F12: variants seen among roughly 807,000 people sequenced by gnomAD.
The protein encoded by F12 is Hageman factor.
F12 carries 70 observed loss-of-function variants against 74.8 expected under a neutral mutation model. That is an observed-to-expected ratio of 0.94 (90% confidence interval 0.77 to 1.14). The LOEUF (loss-of-function observed/expected upper bound fraction) is 1.14. Among genes scored for constraint, F12 ranks in the 50% most tolerant of loss-of-function variants. The pLI, the probability that F12 is intolerant of heterozygous loss-of-function variation, is 0.00. For synonymous variants in F12, 373 were observed against 356.4 expected, an observed-to-expected ratio of 1.05 and a Z score of -0.52; for missense variants, 811 against 835.7, an observed-to-expected ratio of 0.97 and a Z score of 0.36.
rs371997528 is a variant in F12, at chr5:177,403,593, C to T, written c.1275G>A (p.Val425=). 6.2e-7 allele frequency: 1 copy of T among 1,605,800 alleles called. No individual in the cohort carries two copies. Among genetic ancestry groups the T allele is most frequent in the East Asian group, 2.2e-5 (1 of 44,736 alleles). The change falls in exon 11 of 14, where the codon GTG becomes GTA. Residue 425 remains valine (V), a synonymous_variant. Coordinates refer to ENST00000253496, the MANE Select transcript of F12 (RefSeq NM_000505.4). ...GGTTACGGCGTTCCTGGCCGAGCAC[C>T]ACCGTCAGATCCTCGGGTGCGGGCC... The part of the protein sequence containing the change: ...QDRPAPEDLT[V]VLGQERRNHS...
At position 177,404,657 on chromosome 5, in the gene F12, C is replaced by T. The variant is rs777293991; in HGVS notation, c.642G>A (p.Lys214=). ...YTGAFCDVDT[K]ASCYDGRGLS... is the part of the protein sequence containing the mutation. ...GCCCGCGGCCATCATAGCAGCTTGC[C>T]TTGGTGTCTGAGGAGAAAGGGGGCT... The change falls in exon 8 of 14, where the codon AAG becomes AAA. Residue 214 remains lysine, a synonymous_variant. Transcript: ENST00000253496. 1.2e-6 allele frequency: 2 copies of T among 1,606,670 alleles called. No homozygotes were observed. The highest frequency in any genetic ancestry group is 1.7e-6 in the Non-Finnish European group (2 of 1,179,808).
At chr5:177,402,757 T>C in intron 12 of F12, 59 bp from the exon 13 acceptor site, 1 of 1,594,300 alleles carries the variant, frequency 6.3e-7, no homozygotes, top group South Asian at 1.1e-5. Flanking sequence ...GCCCGGACGA[T>C]GGACAAAGCT....
rs372036789 is a variant in F12, at chr5:177,402,349, G to C, written c.1791C>G (p.Gly597=). The part of the protein sequence containing the change: ...GSGCGDRNKP[G]VYTDVAYYLA... ...GGTAGTAGGCCACATCGGTGTAGACGCCTGGCTTGTTGCGGTCACCACAGC... is the reference window on the plus strand; with the variant it reads ...GGTAGTAGGCCACATCGGTGTAGACCCCTGGCTTGTTGCGGTCACCACAGC... Residue 597 remains glycine (G), a synonymous_variant, in exon 14 of 14, where the codon GGC becomes GGG. Coordinates refer to ENST00000253496, the MANE Select transcript of F12 (RefSeq NM_000505.4). 16 of 1,613,624 alleles carry C rather than the reference G, an allele frequency of 9.9e-6. No individual in the cohort carries two copies. Among genetic ancestry groups the C allele is most frequent in the Non-Finnish European group, 1.3e-5 (15 of 1,179,998 alleles).
intron 2 of F12, 33 bp from the exon 3 acceptor site, chr5:177,406,094 C>T: frequency 6.4e-7 from 1 of 1,573,594 alleles, no homozygotes; most frequent in East Asian, 2.2e-5. Flanking sequence ...GAGGACTTCC[C>T]CTGTACTCAA....
intron 2 of F12, among the ~76,000 whole-genome samples, chr5:177,407,020 C>T (rs1763310235): frequency 6.6e-6 from 1 of 152,192 alleles, no homozygotes; most frequent in African/African-American, 2.4e-5. Flanking sequence ...TGCTGAAGAG[C>T]TGTGTAGTTC....
rs758647719 is a variant in F12 at position 177,404,254 on chromosome 5, C to A, written c.960G>T (p.Pro320=). ...TCGTGGGCTGAGGCTTCGGCGGTGC[C>A]GGCTGCGCGGGCATGAGTGGGACAT... ...RLHVPLMPAQ[P]APPKPQPTTR... The change falls in exon 9 of 14, where the codon CCG becomes CCT. Residue 320 remains proline (P), a synonymous_variant. Coordinates refer to ENST00000253496, the MANE Select transcript of F12 (RefSeq NM_000505.4). 9 of 1,595,464 alleles carry A rather than the reference C, an allele frequency of 5.6e-6. No individual in the cohort carries two copies. Among genetic ancestry groups the A allele is most frequent in the Non-Finnish European group, 4.3e-6 (5 of 1,169,876 alleles).
rs775434389 is a variant in F12 at position 177,402,255 on chromosome 5, G to A, written c.*37C>T. On this transcript the variant is annotated 3_prime_UTR_variant, in exon 14 of 14. Coordinates refer to ENST00000253496, the MANE Select transcript of F12 (RefSeq NM_000505.4). ...CATGCCCCAGCCACTCTCTCACTGCGGAATCACCAAGGAGGGAAAGATGAG... is the reference window on the plus strand; with the variant it reads ...CATGCCCCAGCCACTCTCTCACTGCAGAATCACCAAGGAGGGAAAGATGAG... 2.5e-6 allele frequency: 4 copies of A among 1,610,950 alleles called. No individual in the cohort carries two copies. The East Asian group carries it at 8.9e-5, about 36-fold the overall frequency.
intron 12 of F12, 51 bp downstream of exon 12, chr5:177,403,203 C>T: frequency 6.3e-7 from 1 of 1,596,234 alleles, no homozygotes; most frequent in Non-Finnish European, 8.5e-7. Context: ...CCGCCTAACC[C>T]AGTGATCAAA....
In F12 at chr5:177,405,159, G is replaced by A. The variant is rs555120496; in HGVS notation, c.424C>T (p.Arg142Trp). Reference protein sequence around the residue: ...KEKCFEPQLLRFFHKNEIWYR... With the variant: ...KEKCFEPQLLWFFHKNEIWYR... ...CATATCTCATTCTTGTGGAAAAACC[G>A]GAGAAGCTGAGGCTCAAAGCACTTC... The change falls in exon 6 of 14, where the codon CGG becomes TGG. Residue 142 changes from arginine (R) to tryptophan (W), a missense_variant. Coordinates refer to ENST00000253496, the MANE Select transcript of F12 (RefSeq NM_000505.4). 8.1e-6 allele frequency: 13 copies of A among 1,613,882 alleles called. No individual in the cohort carries two copies. Among genetic ancestry groups the A allele is most frequent in the African/African-American group, 6.7e-5 (5 of 74,954 alleles).
Position 177,404,380 on chromosome 5 carries a change from G to A in F12, c.834C>T (p.Phe278=). The change falls in exon 9 of 14, where the codon TTC becomes TTT. Residue 278 remains phenylalanine, a synonymous_variant. Transcript: ENST00000253496. ...NPDNDIRPWC[F]VLNRDRLSWE... is the part of the protein sequence containing the mutation. ...AGCTCAGCCGGTCGCGGTTCAGCAC[G>A]AAGCACCACGGGCGGATGTCGTTGT... The A allele has an allele frequency of 6.2e-7, 1 of 1,612,126 alleles. No individual in the cohort carries two copies. The highest frequency in any genetic ancestry group is 8.5e-7 in the Non-Finnish European group (1 of 1,179,706).
chr5:177,402,667 C>T lies in F12; in HGVS notation c.1563G>A (p.Glu521=), dbSNP rs765979238. 1 of 1,612,410 alleles carries T rather than the reference C, an allele frequency of 6.2e-7. No homozygotes were observed. Among genetic ancestry groups the T allele is most frequent in the East Asian group, 2.2e-5 (1 of 44,898 alleles). Residue 521 remains glutamate, a synonymous_variant, in exon 13 of 14, where the codon GAG becomes GAA. Transcript: ENST00000253496. ...GAEEYASFLQ[E]AQVPFLSLER... The stretch of plus-strand genomic sequence containing the variant: ...CCAGGGAGAGGAACGGTACCTGCGC[C>T]TCCTGCAGGAAGCTGGCATATTCCT...
chr5:177,407,566 C>T (rs1321742172), intron 2 of F12, among the ~76,000 whole-genome samples: 1 of 152,134 alleles, frequency 6.6e-6, no homozygotes, highest in East Asian at 1.9e-4. Flanking sequence ...GGGCGGACCA[C>T]CTGAGGGCAG....
At chr5:177,404,478 A>C in intron 8 of F12, 21 bp downstream of exon 8, 1 of 1,591,012 alleles carries the variant, frequency 6.3e-7, no homozygotes, top group Non-Finnish European at 8.6e-7. Flanking sequence ...CGGAGGGGTC[A>C]CCCAGCCCCA....
Position 177,405,453 on chromosome 5 carries a change from G to GA in F12, c.287-21dup. On this transcript the variant is annotated intron_variant, in intron 4 of 13. Coordinates refer to ENST00000253496, the MANE Select transcript of F12 (RefSeq NM_000505.4). ...AGTGGTCTGAGAGATGGACATGGTG[G>GA]AAGGAAGAGCAGGGAGCTGAGTCAC... 6.2e-7 allele frequency: 1 copy of GA among 1,606,692 alleles called. No individual in the cohort carries two copies. Among genetic ancestry groups the GA allele is most frequent in the Non-Finnish European group, 8.5e-7 (1 of 1,175,660 alleles).
At chr5:177,403,195 G>A in intron 12 of F12, 59 bp downstream of exon 12, 1 of 1,593,866 alleles carries the variant, frequency 6.3e-7, no homozygotes, top group African/African-American at 1.3e-5. Flanking sequence ...GGCTTCTTCC[G>A]CCTAACCCAG....
At position 177,404,222 on chromosome 5, in the gene F12, G is replaced by T; in HGVS notation, c.992C>A (p.Thr331Asn). The T allele has an allele frequency of 6.2e-7, 1 of 1,602,628 alleles. No homozygotes were observed. The highest frequency in any genetic ancestry group is 8.5e-7 in the Non-Finnish European group (1 of 1,173,080). ...TCCCGGGGTCTGGGACTGAGGCGGG[G>T]TCCGGGTCGTGGGCTGAGGCTTCGG... ...APPKPQPTTR[T>N]PPQSQTPGAL... The change falls in exon 9 of 14, where the codon ACC (threonine) becomes AAC (asparagine). Residue 331 changes from threonine (T) to asparagine (N), a missense_variant. Coordinates refer to ENST00000253496, the MANE Select transcript of F12 (RefSeq NM_000505.4).
Position 177,403,341 on chromosome 5 carries a change from C to A in F12, c.1444G>T (p.Val482Phe), listed in dbSNP as rs746149745. Residue 482 changes from valine (V) to phenylalanine (F), a missense_variant, in exon 12 of 14, where the codon GTT becomes TTT. Physicochemically the swap from Val to Phe is conservative, Grantham distance 50. Coordinates refer to ENST00000253496, the MANE Select transcript of F12 (RefSeq NM_000505.4). ...DGSCALLSPY[V>F]QPVCLPSGAA... ...CCGCTTGGCAGGCACACCGGCTGAA[C>A]GTAAGGCGACAGGAGCGCGCAGCTG... 6.3e-7 allele frequency: 1 copy of A among 1,599,282 alleles called. No individual in the cohort carries two copies. The highest frequency in any genetic ancestry group is 8.5e-7 in the Non-Finnish European group (1 of 1,179,738).
chr5:177,407,558 GC>G, intron 2 of F12, among the ~76,000 whole-genome samples: 1 of 152,294 alleles, frequency 6.6e-6, no homozygotes, highest in South Asian at 2.1e-4. Flanking sequence ...GCTAAGGTGG[GC>G]GGACCACCTG....
At chr5:177,405,712 A>T in intron 4 of F12, 23 bp downstream of exon 4, 2 of 1,611,414 alleles carry the variant, frequency 1.2e-6, no homozygotes, top group Non-Finnish European at 1.7e-6. Context: ...GCCCCAGGCC[A>T]CCCCAGAGGC....
Sources: gnomAD v4.1 joint callset for allele counts (sites outside exome capture counted in the v4.1 genomes callset) on GRCh38, gnomAD v4.1.1 for gene constraint, MANE v1.5 for transcripts, NCBI Gene and HGNC (gene_info 2026-07-23, HGNC 2026-07-21) for gene names.